The following N4BP2 variants were observed in gnomAD, a reference collection of about 807,000 sequenced individuals.
The protein encoded by N4BP2 is NEDD4-binding protein 2.
Under a neutral mutation model 152.8 loss-of-function variants are expected in N4BP2, and 91 were observed. The ratio of observed to expected loss-of-function variants is 0.60; its 90% CI spans 0.50 to 0.71. N4BP2 has a LOEUF of 0.71. N4BP2 is among the 30% of genes least tolerant of loss of function. The pLI is 0.00. For synonymous variants in N4BP2, 646 were observed against 705.3 expected, an observed-to-expected ratio of 0.92 and a Z score of 1.33; for missense variants, 1,923 against 2,059.1, an observed-to-expected ratio of 0.93 and a Z score of 1.28.
intron 3 of N4BP2, 152 bp from the exon 4 acceptor site, chr4:40,101,923 T>C (rs1022121684): frequency 4.3e-5 from 19 of 445,102 alleles, no homozygotes; most frequent in African/African-American, 6.0e-5. Context: ...GTTAATAAAA[T>C]ATTAATTTTT....
intron 7 of N4BP2, among the ~76,000 whole-genome samples, chr4:40,115,322 C>A (rs1191397803): frequency 6.6e-6 from 1 of 152,008 alleles, no homozygotes; most frequent in Non-Finnish European, 1.5e-5. Context: ...CAGAGTGGGA[C>A]CCTGACTCTA....
At chr4:40,171,855 G>A in the N4BP2 span, among the ~76,000 whole-genome samples, 17 of 152,158 alleles carry the variant, frequency 1.1e-4, no homozygotes, top group Non-Finnish European at 2.1e-4. Flanking sequence ...TCTGATGTTC[G>A]AGGGCAGGAA....
chr4:40,118,096 G>T, intron 8 of N4BP2, 72 bp downstream of exon 8: 2 of 1,263,636 alleles, frequency 1.6e-6, no homozygotes, highest in Non-Finnish European at 2.1e-6. Context: ...TTTGGAGCTT[G>T]TGGAATCATT....
intron 5 of N4BP2, among the ~76,000 whole-genome samples, chr4:40,111,462 A>G (rs779626482): frequency 1.1e-4 from 16 of 152,120 alleles, no homozygotes; most frequent in Non-Finnish European, 2.1e-4. Flanking sequence ...TTGGGACTAC[A>G]GGTGCGTGCC....
At chr4:40,162,164 G>A (rs1322454395), downstream of N4BP2, among the ~76,000 whole-genome samples, 1 of 152,132 alleles carries the variant, frequency 6.6e-6, no homozygotes, top group Non-Finnish European at 1.5e-5. Flanking sequence ...CTTCATCAAA[G>A]ATCTGGGAAA....
intron 12 of N4BP2, among the ~76,000 whole-genome samples, chr4:40,127,710 G>A (rs533408995): frequency 3.1e-4 from 47 of 151,962 alleles, no homozygotes; most frequent in Non-Finnish European, 6.0e-4. Context: ...GCCCAGGCTG[G>A]AGTGCAGTGG....
intron 1 of N4BP2, among the ~76,000 whole-genome samples, chr4:40,064,530 C>T (rs1733892067): frequency 6.6e-6 from 1 of 152,126 alleles, no homozygotes; most frequent in African/African-American, 2.4e-5. Context: ...GCCTCGGCCT[C>T]CCAAAGTGCT....
At chr4:40,081,402 T>G (rs1261915138) in intron 2 of N4BP2, among the ~76,000 whole-genome samples, 1 of 152,132 alleles carries the variant, frequency 6.6e-6, no homozygotes, top group African/African-American at 2.4e-5. Context: ...TCCCAGCACT[T>G]TGGGAGGCCG....
intron 1 of N4BP2, among the ~76,000 whole-genome samples, chr4:40,066,900 C>A (rs1315588965): frequency 6.6e-6 from 1 of 152,108 alleles, no homozygotes; most frequent in Non-Finnish European, 1.5e-5. Context: ...ATTCTACTTT[C>A]TGTGTCTAGA....
chr4:40,187,924 G>C, the N4BP2 span, among the ~76,000 whole-genome samples: 1 of 152,136 alleles, frequency 6.6e-6, no homozygotes, highest in African/African-American at 2.4e-5. Context: ...GCTAACCCAG[G>C]AAATTACAGG....
At chr4:40,161,809 T>A (rs894273048), downstream of N4BP2, among the ~76,000 whole-genome samples, 18 of 152,162 alleles carry the variant, frequency 1.2e-4, no homozygotes, top group South Asian at 2.1e-4. Context: ...TTTAAAAAGT[T>A]GATGGAAGAG....
At chr4:40,068,351 T>C (rs942471170) in intron 1 of N4BP2, among the ~76,000 whole-genome samples, 1 of 152,238 alleles carries the variant, frequency 6.6e-6, no homozygotes, top group Non-Finnish European at 1.5e-5. Context: ...TTTGCTTTTG[T>C]TGCCTATGCC....
At chr4:40,127,760 A>G (rs939707314) in intron 12 of N4BP2, among the ~76,000 whole-genome samples, 7 of 152,212 alleles carry the variant, frequency 4.6e-5, no homozygotes, top group Admixed American at 1.3e-4. Flanking sequence ...TCCCGGGTTC[A>G]TGCCATTCTC....
intron 7 of N4BP2, among the ~76,000 whole-genome samples, chr4:40,116,191 C>T (rs2109987458): frequency 6.6e-6 from 1 of 152,136 alleles, no homozygotes; most frequent in Admixed American, 6.5e-5. Flanking sequence ...CGATGTATCT[C>T]TTGTAAGCAT....
In N4BP2 at chr4:40,102,329, T is replaced by G; in HGVS notation, c.484T>G (p.Tyr162Asp). ...GAACTCTTCTCCTGATGACCAAGTA[T>G]ACTCATTTTTGCCTTCACAAGATGT... is the stretch of plus-strand genomic sequence containing the variant. ...KLNSSPDDQV[Y>D]SFLPSQDVNS... The change falls in exon 4 of 18, where the codon TAC (tyrosine) becomes GAC (aspartate). Residue 162 changes from tyrosine to aspartate, a missense_variant. Coordinates refer to ENST00000261435, the MANE Select transcript of N4BP2 (RefSeq NM_018177.6). 1 of 1,613,572 alleles carries G rather than the reference T, an allele frequency of 6.2e-7. No individual in the cohort carries two copies. The highest frequency in any genetic ancestry group is 8.5e-7 in the Non-Finnish European group (1 of 1,179,814).
At chr4:40,186,577 C>T in the N4BP2 span, among the ~76,000 whole-genome samples, 1 of 152,270 alleles carries the variant, frequency 6.6e-6, no homozygotes, top group Non-Finnish European at 1.5e-5. Flanking sequence ...GACTGGGGAC[C>T]CCTGACCTAG....
chr4:40,060,073 GTCC>G (rs1733536970), intron 1 of N4BP2, among the ~76,000 whole-genome samples: 2 of 151,810 alleles, frequency 1.3e-5, no homozygotes, highest in Non-Finnish European at 2.9e-5. Context: ...AGCTCAAGCA[GTCC>G]TCCTGCCTCA....
chr4:40,184,052 A>G, the N4BP2 span, among the ~76,000 whole-genome samples: 6 of 152,346 alleles, frequency 3.9e-5, no homozygotes, highest in East Asian at 1.2e-3. Flanking sequence ...GAAGCTGAGA[A>G]GCAGGAATCA....
At chr4:40,147,938 G>A (rs1363531231) in intron 16 of N4BP2, among the ~76,000 whole-genome samples, 2 of 151,448 alleles carry the variant, frequency 1.3e-5, no homozygotes, top group South Asian at 4.2e-4. Context: ...ATGGGCGGCC[G>A]GGCAGAGACG....
Sources: allele counts gnomAD v4.1 joint callset (sites outside exome capture counted in the v4.1 genomes callset), GRCh38; gene constraint gnomAD v4.1.1; transcripts MANE v1.5; gene names NCBI Gene and HGNC (gene_info 2026-07-23, HGNC 2026-07-21).